Variants in DIAPH2 observed in about 807,000 individuals in gnomAD.
DIAPH2 encodes protein diaphanous homolog 2.
In DIAPH2, 35 loss-of-function variants were observed where a neutral mutation model predicts 92.7. That is an observed-to-expected ratio of 0.38 (90% CI 0.29 to 0.50). The LOEUF (loss-of-function observed/expected upper bound fraction) is 0.50. Ranked by LOEUF, DIAPH2 falls within the 20% of genes least tolerant of loss-of-function variation. The probability of loss-of-function intolerance (pLI) is 0.94; values close to 1 mark genes in which losing one functional copy is unlikely to be tolerated. For synonymous variants in DIAPH2, 301 were observed against 280.4 expected, an observed-to-expected ratio of 1.07 and a Z score of -0.73; for missense variants, 701 against 819.5, an observed-to-expected ratio of 0.86 and a Z score of 1.77.
chrX:97,349,002 ATGTG>A (rs200822849), intron 24 of DIAPH2, among the ~76,000 whole-genome samples: 1,076 of 103,184 alleles, frequency 0.01, 15 homozygotes, highest in African/African-American at 0.037. Flanking sequence ...GTATATATAT[ATGTG>A]TGTGTATATA....
chrX:97,090,073 C>T (rs755607916), intron 19 of DIAPH2, among the ~76,000 whole-genome samples: 102 of 111,962 alleles, frequency 9.1e-4, no homozygotes, highest in Non-Finnish European at 1.5e-3. Context: ...CTGTTATTTG[C>T]TTTATATCTG....
At chrX:96,953,237 A>G in intron 15 of DIAPH2, among the ~76,000 whole-genome samples, 1 of 111,948 alleles carries the variant, frequency 8.9e-6, no homozygotes, top group East Asian at 2.8e-4. Context: ...AGTTCGTTCA[A>G]TATTTTATGG....
chrX:97,439,792 T>C (rs1602590893), intron 26 of DIAPH2, among the ~76,000 whole-genome samples: 1 of 109,274 alleles, frequency 9.2e-6, no homozygotes, highest in South Asian at 4.1e-4. Context: ...CTTAAGAAAA[T>C]CTTTGTCAAC....
At chrX:96,737,371 G>A (rs2064094323) in intron 2 of DIAPH2, among the ~76,000 whole-genome samples, 1 of 112,021 alleles carries the variant, frequency 8.9e-6, no homozygotes, top group African/African-American at 3.2e-5. Flanking sequence ...TCATTAATGA[G>A]GAGTTCACAT....
At chrX:96,833,252 TATAAG>T (rs1392655520) in intron 4 of DIAPH2, among the ~76,000 whole-genome samples, 3 of 111,488 alleles carry the variant, frequency 2.7e-5, no homozygotes, top group Non-Finnish European at 5.7e-5. Flanking sequence ...TCCAAAGTAG[TATAAG>T]ATATTTGTAT....
At chrX:96,801,227 A>G (rs893775944) in intron 4 of DIAPH2, among the ~76,000 whole-genome samples, 8 of 112,511 alleles carry the variant, frequency 7.1e-5, no homozygotes, top group African/African-American at 2.3e-4. Flanking sequence ...TAGAGACCAG[A>G]CAAAAGAACT....
chrX:97,038,191 GTTC>G (rs1569285583), intron 17 of DIAPH2, among the ~76,000 whole-genome samples: 1 of 111,107 alleles, frequency 9.0e-6, no homozygotes, highest in Non-Finnish European at 1.9e-5. Flanking sequence ...ATGTTATCTT[GTTC>G]TTCTTTGTGG....
At chrX:97,234,447 A>T (rs1011485315) in intron 22 of DIAPH2, among the ~76,000 whole-genome samples, 16 of 111,090 alleles carry the variant, frequency 1.4e-4, no homozygotes, top group African/African-American at 4.3e-4. Flanking sequence ...GGACTAGGAA[A>T]TTGCTGATAT....
chrX:97,114,723 C>T lies in DIAPH2; in HGVS notation c.2350-3C>T. 2 of 1,199,059 alleles carry T rather than the reference C, an allele frequency of 1.7e-6. 1 individual carries two copies. Among genetic ancestry groups the T allele is most frequent in the Non-Finnish European group, 2.2e-6 (2 of 888,929 alleles). ...TTCTCATAGGGTATTTCTTATCTTA[C>T]AGATGAGCTCTGTGAAAATGTTACA... On this transcript the variant is annotated splice_region_variant and splice_polypyrimidine_tract_variant and intron_variant, in intron 20 of 26. Coordinates refer to ENST00000324765, the MANE Select transcript of DIAPH2 (RefSeq NM_006729.5).
chrX:97,323,627 G>C (rs1293499490), intron 23 of DIAPH2, among the ~76,000 whole-genome samples: 4 of 101,012 alleles, frequency 4.0e-5, no homozygotes, highest in Non-Finnish European at 8.0e-5. Context: ...TCAGGGACCG[G>C]GTGCGGTGGC....
chrX:96,882,959 CAAAAAAA>C (rs1211958338), intron 5 of DIAPH2, among the ~76,000 whole-genome samples: 2 of 32,004 alleles, frequency 6.2e-5, no homozygotes, highest in Admixed American at 5.0e-4. Context: ...ACCCTGTCTC[CAAAAAAA>C]AAAAAAAAAA....
At chrX:97,545,533 A>AAAAAATATAT (rs1260118151) in intron 26 of DIAPH2, among the ~76,000 whole-genome samples, 17 of 79,358 alleles carry the variant, frequency 2.1e-4, no homozygotes, top group African/African-American at 8.4e-4. Context: ...AAAAAAAAAA[A>AAAAAATATAT]ATATATATAT....
At chrX:97,268,402 C>T (rs987134695) in intron 23 of DIAPH2, among the ~76,000 whole-genome samples, 2 of 112,512 alleles carry the variant, frequency 1.8e-5, no homozygotes, top group African/African-American at 6.5e-5. Flanking sequence ...CAAGTCCTGT[C>T]CTGAAGAAGA....
chrX:97,109,879 T>A (rs922880053), intron 20 of DIAPH2, among the ~76,000 whole-genome samples: 2 of 111,877 alleles, frequency 1.8e-5, no homozygotes, highest in Non-Finnish European at 3.8e-5. Flanking sequence ...TTGTAGGAGA[T>A]GAATCAATGA....
At chrX:97,046,382 C>T (rs1488513985) in intron 17 of DIAPH2, among the ~76,000 whole-genome samples, 4 of 110,824 alleles carry the variant, frequency 3.6e-5, no homozygotes, top group Non-Finnish European at 7.6e-5. Flanking sequence ...GGTGTAAATG[C>T]AAGTTTATTT....
In DIAPH2 at chrX:97,604,581, A is replaced by C. The variant is rs750124080; in HGVS notation, c.*5264A>C. 2 of 112,106 alleles carry C rather than the reference A, an allele frequency of 1.8e-5. No individual in the cohort carries two copies. The highest frequency in any genetic ancestry group is 3.8e-5 in the Non-Finnish European group (2 of 53,176). 9.2% of individuals were successfully genotyped at this position (112,106 alleles called of 1,213,427 possible). On this transcript the variant is annotated 3_prime_UTR_variant, in exon 27 of 27. Coordinates refer to ENST00000324765, the MANE Select transcript of DIAPH2 (RefSeq NM_006729.5). ...GACAGGCTATTCTAAATTTTGGTTG[A>C]TACTTTTGCTACTATGGGCAATTAA...
At chrX:96,775,865 A>G (rs768490181) in intron 4 of DIAPH2, among the ~76,000 whole-genome samples, 2 of 111,631 alleles carry the variant, frequency 1.8e-5, no homozygotes, top group Non-Finnish European at 3.8e-5. Context: ...ACACATTTAA[A>G]TCATTATAGT....
intron 23 of DIAPH2, among the ~76,000 whole-genome samples, chrX:97,314,245 C>CGAA (rs1287781116): frequency 2.1e-5 from 1 of 48,260 alleles, no homozygotes; most frequent in East Asian, 5.8e-4. Flanking sequence ...CCTGTCTCTA[C>CGAA]AAAAAAAAAA....
At chrX:97,030,558 T>C (rs1380839534) in intron 17 of DIAPH2, among the ~76,000 whole-genome samples, 2 of 111,095 alleles carry the variant, frequency 1.8e-5, no homozygotes, top group African/African-American at 3.3e-5. Flanking sequence ...TGCCTTCTCG[T>C]GGGATACAAG....
Sources: gnomAD v4.1 joint callset for allele counts (sites outside exome capture counted in the v4.1 genomes callset) on GRCh38, gnomAD v4.1.1 for gene constraint, MANE v1.5 for transcripts, NCBI Gene and HGNC (gene_info 2026-07-23, HGNC 2026-07-21) for gene names.